The following NAV2 variants were observed in gnomAD, a reference collection of about 807,000 sequenced individuals.
The protein encoded by NAV2 is neuron navigator 2.
In NAV2, 54 loss-of-function variants were observed where a neutral mutation model predicts 223.2. That is an observed-to-expected ratio of 0.24 (90% confidence interval 0.19 to 0.30). The LOEUF (loss-of-function observed/expected upper bound fraction) is 0.30. NAV2 is among the 10% of genes least tolerant of loss of function. The pLI, the probability that NAV2 is intolerant of heterozygous loss-of-function variation, is 1.00. For synonymous variants in NAV2, 1,279 were observed against 1,239.3 expected (o/e 1.03, Z -0.67); for missense variants, 2,806 against 3,147.5 (o/e 0.89, Z 2.60).
At chr11:19,968,306 ATTCTC>A (rs2048942028) in intron 10 of NAV2, among the ~76,000 whole-genome samples, 1 of 152,024 alleles carries the variant, frequency 6.6e-6, no homozygotes, top group South Asian at 2.1e-4. Flanking sequence ...AAGCTCCTGG[ATTCTC>A]CGCTTCCTGA....
intron 1 of NAV2, among the ~76,000 whole-genome samples, chr11:19,365,372 C>T (rs1848242733): frequency 6.6e-6 from 1 of 152,242 alleles, no homozygotes; most frequent in African/African-American, 2.4e-5. Context: ...CACTGAATCA[C>T]CTGTGGCTTA....
chr11:20,017,622 C>T (rs1181541014), intron 11 of NAV2, among the ~76,000 whole-genome samples: 5 of 152,164 alleles, frequency 3.3e-5, no homozygotes, highest in African/African-American at 9.7e-5. Flanking sequence ...CCTTTTCCTC[C>T]GCCTTATATT....
chr11:19,422,461 C>A (rs1850655863), intron 1 of NAV2, among the ~76,000 whole-genome samples: 1 of 152,188 alleles, frequency 6.6e-6, no homozygotes, highest in African/African-American at 2.4e-5. Flanking sequence ...GGAAGGAATG[C>A]CTCTGTGACG....
At chr11:19,963,608 A>G (rs2048522771) in intron 10 of NAV2, among the ~76,000 whole-genome samples, 1 of 152,216 alleles carries the variant, frequency 6.6e-6, no homozygotes, top group Non-Finnish European at 1.5e-5. Context: ...TAGCTGGAGA[A>G]TGCTTGTGCA....
chr11:20,044,245 G>A lies in NAV2; in HGVS notation c.3172G>A (p.Ala1058Thr), dbSNP rs1359327156. The A allele has an allele frequency of 1.2e-6, 2 of 1,612,128 alleles. No homozygotes were observed. Among genetic ancestry groups the A allele is most frequent in the African/African-American group, 1.3e-5 (1 of 74,906 alleles). The change falls in exon 13 of 38, where the codon GCA (alanine) becomes ACA (threonine). Residue 1058 changes from alanine (A) to threonine (T), a missense_variant. Transcript: ENST00000349880. Reference protein sequence around the residue: ...TMPRTKPSAPAGALKTPGTGK... With the variant: ...TMPRTKPSAPTGALKTPGTGK... The stretch of plus-strand genomic sequence containing the variant: ...GCCAAGGACGAAGCCTTCAGCCCCG[G>A]CAGGCGCACTGAAGACCCCAGGAAC...
Position 20,006,484 on chromosome 11 carries a change from G to A in NAV2, c.2768+22237G>A, listed in dbSNP as rs187108818. ...GAGGCCAAGAGATCAAGACCATCCT[G>A]ACCAACATGGTGAAACCCCGTCTCT... On this transcript the variant is annotated intron_variant, in intron 11 of 37. Coordinates refer to ENST00000349880, the MANE Select transcript of NAV2 (RefSeq NM_145117.5). Among the ~76,000 whole-genome samples the A allele has an allele frequency of 2.0e-5, 3 of 152,228 alleles. No homozygotes were observed. In the East Asian group the frequency reaches 5.8e-4, roughly 29 times the overall value.
intron 1 of NAV2, among the ~76,000 whole-genome samples, chr11:19,362,972 C>A (rs996275052): frequency 3.9e-5 from 6 of 152,150 alleles, no homozygotes; most frequent in Non-Finnish European, 5.9e-5. Context: ...TTACAACAAT[C>A]TGATGATGAA....
At chr11:19,555,197 A>G (rs988850937) in intron 1 of NAV2, among the ~76,000 whole-genome samples, 13 of 152,136 alleles carry the variant, frequency 8.5e-5, no homozygotes, top group African/African-American at 3.1e-4. Flanking sequence ...TGAGGTGGGG[A>G]AGCAGAAGCT....
intron 23 of NAV2, 80 bp downstream of exon 23, chr11:20,077,715 C>A: frequency 8.8e-7 from 1 of 1,139,032 alleles, no homozygotes; most frequent in South Asian, 1.3e-5. Context: ...CATTTCAGAT[C>A]ATTGTGTGGA....
chr11:19,889,789 T>C (rs2041339606), intron 5 of NAV2, among the ~76,000 whole-genome samples: 1 of 152,212 alleles, frequency 6.6e-6, no homozygotes, highest in Admixed American at 6.5e-5. Flanking sequence ...AAGTATAAGA[T>C]CTCAGTCAGC....
chr11:20,106,175 A>ATGTG (rs1201940130), intron 35 of NAV2, among the ~76,000 whole-genome samples: 2 of 35,828 alleles, frequency 5.6e-5, no homozygotes, highest in African/African-American at 9.9e-5. Context: ...ATATATATAT[A>ATGTG]TGTGTGTGTA....
chr11:19,457,972 G>T (rs72899376), intron 1 of NAV2, among the ~76,000 whole-genome samples: 59 of 152,252 alleles, frequency 3.9e-4, no homozygotes, highest in Admixed American at 9.2e-4. Context: ...GATGGCAGGG[G>T]GTCCTCCCTT....
intron 1 of NAV2, among the ~76,000 whole-genome samples, chr11:19,585,387 T>G (rs915783920): frequency 1.1e-4 from 17 of 152,196 alleles, no homozygotes; most frequent in African/African-American, 3.9e-4. Context: ...ACATTTAAGT[T>G]AATATTGTTG....
At position 20,022,794 on chromosome 11, in the gene NAV2, C is replaced by T. The variant is rs1049912271; in HGVS notation, c.2769-13165C>T. The T allele has an allele frequency of 2.6e-5, 31 of 1,201,908 alleles. No homozygotes were observed. The Admixed American group carries it at 1.0e-3, about 39-fold the overall frequency. The allele number at this position is 1,201,908 out of a possible 1,614,324, so 74.5% of individuals were successfully genotyped here. ...GAGGGCCCTTCCATTCAGTGCTTTA[C>T]GGTAATGGTTTCAGAGTTTGGTGTT... On this transcript the variant is annotated intron_variant, in intron 11 of 37. Transcript: ENST00000349880.
intron 1 of NAV2, among the ~76,000 whole-genome samples, chr11:19,730,490 G>A (rs1375307873): frequency 6.6e-6 from 1 of 152,246 alleles, no homozygotes; most frequent in African/African-American, 2.4e-5. Context: ...TCGGTCTGCT[G>A]AGGTGACAGG....
chr11:19,862,025 G>GA (rs1183129557), intron 3 of NAV2, among the ~76,000 whole-genome samples: 1 of 152,184 alleles, frequency 6.6e-6, no homozygotes, highest in African/African-American at 2.4e-5. Context: ...TGTTTCAAGG[G>GA]AAAAATTGAG....
intron 1 of NAV2, among the ~76,000 whole-genome samples, chr11:19,376,575 G>A (rs979687129): frequency 2.0e-5 from 3 of 152,166 alleles, no homozygotes; most frequent in Admixed American, 2.0e-4. Context: ...GTTTCCCAAA[G>A]AAACAGCCTT....
At chr11:19,477,087 A>C (rs2042140501) in intron 1 of NAV2, among the ~76,000 whole-genome samples, 1 of 152,208 alleles carries the variant, frequency 6.6e-6, no homozygotes, top group Admixed American at 6.5e-5. Context: ...AAATATGGCC[A>C]GTCTTGGGTC....
chr11:19,598,547 C>T (rs1184608427), intron 1 of NAV2, among the ~76,000 whole-genome samples: 1 of 152,116 alleles, frequency 6.6e-6, no homozygotes, highest in Non-Finnish European at 1.5e-5. Flanking sequence ...GCATGCCAGA[C>T]CCTCTTCTAG....
Sources: gnomAD v4.1 joint callset for allele counts (sites outside exome capture counted in the v4.1 genomes callset) on GRCh38, gnomAD v4.1.1 for gene constraint, MANE v1.5 for transcripts, NCBI Gene and HGNC (gene_info 2026-07-23, HGNC 2026-07-21) for gene names.